The following NME9 variants were observed in gnomAD, a reference collection of about 807,000 sequenced individuals.
NME9 encodes thioredoxin domain-containing protein 6.
Under a neutral mutation model 44.4 loss-of-function variants are expected in NME9, and 48 were observed. The observed-to-expected ratio is 1.08, with a 90% CI of 0.86 to 1.37. NME9 has a LOEUF of 1.37. Ranked by LOEUF, NME9 falls within the 40% of genes most tolerant of loss-of-function variation. The probability of loss-of-function intolerance (pLI) is 0.00; values close to 1 mark genes in which losing one functional copy is unlikely to be tolerated. For missense variants in NME9, 325 were observed against 405.2 expected, an observed-to-expected ratio of 0.80 and a Z score of 1.70; for synonymous variants, 139 against 147.1, an observed-to-expected ratio of 0.94 and a Z score of 0.40.
At chr3:138,302,167 A>G (rs1343689103) in intron 10 of NME9, among the ~76,000 whole-genome samples, 1 of 152,126 alleles carries the variant, frequency 6.6e-6, no homozygotes, top group Non-Finnish European at 1.5e-5. Flanking sequence ...GTGGAGGCAT[A>G]TGCTGCTCCC....
chr3:138,287,042 G>T (rs1322533023), intron 8 of NME9, among the ~76,000 whole-genome samples: 2 of 152,152 alleles, frequency 1.3e-5, no homozygotes, highest in African/African-American at 4.8e-5. Context: ...ACCCTAGTCA[G>T]TCCAAGTCAC....
intron 8 of NME9, among the ~76,000 whole-genome samples, chr3:138,282,031 A>G (rs1024761384): frequency 1.3e-5 from 2 of 152,154 alleles, no homozygotes; most frequent in African/African-American, 2.4e-5. Flanking sequence ...GTAATAAGCT[A>G]TGATTCTTCC....
intron 2 of NME9, among the ~76,000 whole-genome samples, chr3:138,323,523 C>CA (rs769055621): frequency 3.6e-4 from 55 of 152,294 alleles, no homozygotes; most frequent in Admixed American, 9.8e-4. Flanking sequence ...GGGATTGAGA[C>CA]AGAGTCTCAC....
At position 138,306,083 on chromosome 3, in the gene NME9, C is replaced by A; in HGVS notation, c.557G>T (p.Gly186Val). Residue 186 changes from glycine to valine, a missense_variant, in exon 8 of 11, where the codon GGG (glycine) becomes GTG (valine). Physicochemically the swap from Gly to Val is moderately radical, Grantham distance 109. Transcript: ENST00000333911. ...DEIIMKIQEA[G>V]FEILTNEERT... Reference sequence around the variant, plus strand: ...CTCTTCATTTGTTAGAATTTCAAACCCAGCTTCCTGAATCTGTAGAATATA... The same window carrying A: ...CTCTTCATTTGTTAGAATTTCAAACACAGCTTCCTGAATCTGTAGAATATA... The A allele has an allele frequency of 6.2e-7, 1 of 1,610,266 alleles. No individual in the cohort carries two copies. The highest frequency in any genetic ancestry group is 8.5e-7 in the Non-Finnish European group (1 of 1,176,486).
At chr3:138,305,160 CCACTCAGCCACTG>C in intron 8 of NME9, 133 bp from the exon 9 acceptor site, 1 of 755,764 alleles carries the variant, frequency 1.3e-6, no homozygotes, top group Admixed American at 2.4e-5. Flanking sequence ...ATGCCCGTGG[CCACTCAGCCACTG>C]CACCCTGTCT....
chr3:138,262,616 T>G lies in NME9; in HGVS notation c.746-30A>C, dbSNP rs1246622184. The G allele has an allele frequency of 3.3e-6, 5 of 1,522,972 alleles. No individual in the cohort carries two copies. In the Admixed American group the frequency reaches 9.4e-5, roughly 29 times the overall value. The allele number at this position is 1,522,972 out of a possible 1,614,324, so 94.3% of individuals were successfully genotyped here. On this transcript the variant is annotated intron_variant, in intron 8 of 8. Transcript: ENST00000317876. ...GGAGATTAAAAAAAAAAAAAAAATT[T>G]AGGTGCCTAGCCCTGACCCTGGAGA...
intron 8 of NME9, chr3:138,274,339 T>G (rs1358438517): frequency 5.8e-6 from 4 of 692,672 alleles, no homozygotes; most frequent in Non-Finnish European, 1.0e-5. Context: ...TATGCTATAG[T>G]GTTTTGCATG....
At chr3:138,287,163 T>C (rs1225565646) in intron 8 of NME9, among the ~76,000 whole-genome samples, 3 of 152,210 alleles carry the variant, frequency 2.0e-5, no homozygotes, top group African/African-American at 7.2e-5. Context: ...TCAGATCTTG[T>C]CCCTCCACTG....
In NME9 at chr3:138,304,965, G is replaced by A. The variant is rs749468559; in HGVS notation, c.699C>T (p.Thr233=). ...CSGPSHLLIL[T]RTEGFEDVVT... is the part of the protein sequence containing the mutation. ...CCACGTCCTCGAAGCCCTCAGTCCTGGTGAGGATCAGGAGGTGGCTTGGTC... is the reference window on the plus strand; with the variant it reads ...CCACGTCCTCGAAGCCCTCAGTCCTAGTGAGGATCAGGAGGTGGCTTGGTC... The change falls in exon 9 of 11, where the codon ACC becomes ACT. Residue 233 remains threonine (T), a synonymous_variant. Transcript: ENST00000333911. 8 of 1,613,896 alleles carry A rather than the reference G, an allele frequency of 5.0e-6. No homozygotes were observed.
At chr3:138,269,977 G>T in intron 8 of NME9, 1 of 1,107,192 alleles carries the variant, frequency 9.0e-7, no homozygotes, top group Non-Finnish European at 1.4e-6. Context: ...CAAGGTATAT[G>T]CATGTTTAGT....
At chr3:138,263,673 A>G (rs1232558039) in intron 8 of NME9, 12 of 1,315,888 alleles carry the variant, frequency 9.1e-6, no homozygotes, top group East Asian at 2.3e-5. Flanking sequence ...ACATACTTGC[A>G]TTTACAAGCA....
rs1157079249 is a variant in NME9, at chr3:138,266,274, AT to A, written c.746-3689del. On this transcript the variant is annotated intron_variant, in intron 8 of 8. Coordinates refer to the NME9 transcript ENST00000317876. The stretch of plus-strand genomic sequence containing the variant: ...AAGAGCCCCAAATCTCAGAATGGTT[AT>A]TTACCTACACTCTACTCTCCAGCTA... 1.7e-3 allele frequency among the ~76,000 whole-genome samples: 260 copies of A among 152,092 alleles called. 1 individual carries two copies. The highest frequency in any genetic ancestry group is 5.9e-3 in the African/African-American group (243 of 41,510).
chr3:138,265,291 G>A (rs1272833536), intron 8 of NME9, among the ~76,000 whole-genome samples: 1 of 152,078 alleles, frequency 6.6e-6, no homozygotes, highest in Non-Finnish European at 1.5e-5. Flanking sequence ...AAATGAATCT[G>A]AATCAAGACT....
At chr3:138,279,615 TA>T (rs1473616579) in intron 8 of NME9, among the ~76,000 whole-genome samples, 1 of 152,192 alleles carries the variant, frequency 6.6e-6, no homozygotes, top group Non-Finnish European at 1.5e-5. Flanking sequence ...AAGAATTAAT[TA>T]TTTTTTTCTT....
chr3:138,318,960 C>T (rs921301770), intron 3 of NME9, among the ~76,000 whole-genome samples: 10 of 152,034 alleles, frequency 6.6e-5, no homozygotes, highest in Admixed American at 2.6e-4. Context: ...CACTTTGGGA[C>T]GCTGTGGTGG....
At chr3:138,293,316 C>T (rs1047613606) in intron 8 of NME9, among the ~76,000 whole-genome samples, 3 of 152,080 alleles carry the variant, frequency 2.0e-5, no homozygotes, top group Admixed American at 1.3e-4. Context: ...CCGAGGTAAG[C>T]GGATTATGAG....
intron 8 of NME9, chr3:138,274,625 A>T (rs2291092): frequency 4.9e-6 from 5 of 1,028,456 alleles, no homozygotes; most frequent in Non-Finnish European, 7.5e-6. Context: ...GAAATATTCA[A>T]ATCTGCAGAA....
chr3:138,319,558 A>G lies in NME9; in HGVS notation c.115T>C (p.Cys39Arg). 1 of 1,612,542 alleles carries G rather than the reference A, an allele frequency of 6.2e-7. No individual in the cohort carries two copies. Among genetic ancestry groups the G allele is most frequent in the Middle Eastern group, 1.7e-4 (1 of 6,060 alleles). ...CTCACCACAGGTTTGCAGGGGCCACACCAGCCTTGATAGACATCAACAACT... is the reference window on the plus strand; with the variant it reads ...CTCACCACAGGTTTGCAGGGGCCACGCCAGCCTTGATAGACATCAACAACT... ...LTVVDVYQGW[C>R]GPCKPVVSLF... Residue 39 changes from cysteine (C) to arginine (R), a missense_variant, in exon 3 of 11, where the codon TGT becomes CGT. Physicochemically the swap from Cys to Arg is radical, Grantham distance 180 (BLOSUM62 -3). Coordinates refer to ENST00000333911, the MANE Select transcript of NME9 (RefSeq NM_001349018.2).
At position 138,306,156 on chromosome 3, in the gene NME9, A is replaced by G. The variant is rs894224356; in HGVS notation, c.544-60T>C. The G allele has an allele frequency of 1.0e-5, 13 of 1,250,956 alleles. No individual in the cohort carries two copies. In the African/African-American group the frequency reaches 1.9e-4, roughly 19 times the overall value. 77.5% of individuals were successfully genotyped at this position (1,250,956 alleles called of 1,614,324 possible). ...ATCAAGCCCAAATTCACATTGATTAATTAATTTAGTTGAAAGGTAAAAAAT... is the reference window on the plus strand; with the variant it reads ...ATCAAGCCCAAATTCACATTGATTAGTTAATTTAGTTGAAAGGTAAAAAAT... On this transcript the variant is annotated intron_variant, in intron 7 of 10. Transcript: ENST00000333911.
Sources: gnomAD v4.1 joint callset for allele counts (sites outside exome capture counted in the v4.1 genomes callset) on GRCh38, gnomAD v4.1.1 for gene constraint, MANE v1.5 for transcripts, NCBI Gene and HGNC (gene_info 2026-07-23, HGNC 2026-07-21) for gene names.